PHACTR3: variants seen among roughly 807,000 people sequenced by gnomAD.
PHACTR3 encodes the protein protein phosphatase 1, regulatory subunit 123.
PHACTR3 carries 16 observed loss-of-function variants against 66.8 expected under a neutral mutation model. That is an observed-to-expected ratio of 0.24 (90% CI 0.16 to 0.36). The LOEUF (loss-of-function observed/expected upper bound fraction) is 0.36. Ranked by LOEUF, PHACTR3 falls within the 10% of genes least tolerant of loss-of-function variation. The pLI, the probability that PHACTR3 is intolerant of heterozygous loss-of-function variation, is 1.00. For missense variants in PHACTR3, 647 were observed against 719.9 expected, an observed-to-expected ratio of 0.90 and a Z score of 1.16; for synonymous variants, 323 against 292.1, an observed-to-expected ratio of 1.11 and a Z score of -1.08.
intron 1 of PHACTR3, among the ~76,000 whole-genome samples, chr20:59,741,139 C>G (rs112293477): frequency 6.6e-6 from 1 of 152,254 alleles, no homozygotes; most frequent in South Asian, 2.1e-4. Flanking sequence ...TTAGCCACAC[C>G]GTCCAGCCCT....
chr20:59,685,540 G>C (rs925388710), intron 1 of PHACTR3, among the ~76,000 whole-genome samples: 5 of 152,198 alleles, frequency 3.3e-5, no homozygotes, highest in African/African-American at 1.2e-4. Flanking sequence ...GCACAAGGCT[G>C]GTGAATGCTC....
At position 59,665,672 on chromosome 20, in the gene PHACTR3, A is replaced by G. The variant is rs574503931; in HGVS notation, c.118+60540A>G. Among the ~76,000 whole-genome samples, 356 of 152,118 alleles carry G rather than the reference A, an allele frequency of 2.3e-3. 1 individual carries two copies. Among genetic ancestry groups the G allele is most frequent in the Non-Finnish European group, 3.6e-3 (242 of 67,994 alleles). The stretch of plus-strand genomic sequence containing the variant: ...TGGGGGTCTGGGTTGAATTGGATGG[A>G]AACAACACTTGGAGAAGCCTGCAGA... On this transcript the variant is annotated intron_variant, in intron 1 of 12. Transcript: ENST00000371015.
chr20:59,578,806 C>T (rs958991647), intron 1 of PHACTR3, among the ~76,000 whole-genome samples: 2 of 152,214 alleles, frequency 1.3e-5, no homozygotes, highest in Admixed American at 1.3e-4. Flanking sequence ...AGCCCGCTAT[C>T]TGCCAGGCCT....
chr20:59,696,910 G>T (rs913690581), intron 1 of PHACTR3, among the ~76,000 whole-genome samples: 4 of 152,212 alleles, frequency 2.6e-5, no homozygotes, highest in African/African-American at 9.7e-5. Flanking sequence ...CTATTGTGGA[G>T]GCTGTGCCTT....
chr20:59,790,302 T>G (rs1009812515), intron 7 of PHACTR3, among the ~76,000 whole-genome samples: 1 of 152,176 alleles, frequency 6.6e-6, no homozygotes, highest in African/African-American at 2.4e-5. Context: ...TTTTCTTCTC[T>G]AGAGAGTATC....
chr20:59,679,831 G>C (rs112754747), intron 1 of PHACTR3, among the ~76,000 whole-genome samples: 3 of 152,112 alleles, frequency 2.0e-5, no homozygotes, highest in Non-Finnish European at 4.4e-5. Flanking sequence ...AGAACAGTAT[G>C]GGGGAGACTG....
chr20:59,728,017 G>A (rs2038626677), intron 1 of PHACTR3, among the ~76,000 whole-genome samples: 1 of 152,200 alleles, frequency 6.6e-6, no homozygotes, highest in Admixed American at 6.5e-5. Context: ...TGTTGTTACT[G>A]TTGTTGAGGT....
rs2042009497 is a variant in PHACTR3, at chr20:59,820,727, G to T, written c.1328+14533G>T. Among the ~76,000 whole-genome samples the T allele has an allele frequency of 6.6e-6, 1 of 152,196 alleles. No individual in the cohort carries two copies. Among genetic ancestry groups the T allele is most frequent in the Non-Finnish European group, 1.5e-5 (1 of 68,028 alleles). ...TGCTGTTTGTTTTCCTTGGTTGCTT[G>T]GGAATCTGTAGAGGATGGTACAGCA... On this transcript the variant is annotated intron_variant, in intron 8 of 12. Transcript: ENST00000371015. This position sits in a 1 kb window ranked among gnomAD's most constrained non-coding sequence, Gnocchi z 4.6.
chr20:59,719,180 T>G (rs2038200610), intron 1 of PHACTR3, among the ~76,000 whole-genome samples: 1 of 152,220 alleles, frequency 6.6e-6, no homozygotes, highest in Non-Finnish European at 1.5e-5. Context: ...TTTTCTTTTT[T>G]TTTGAAACAG....
chr20:59,601,266 G>C (rs1375090759), upstream of PHACTR3, among the ~76,000 whole-genome samples: 2 of 152,198 alleles, frequency 1.3e-5, no homozygotes, highest in Non-Finnish European at 2.9e-5. Flanking sequence ...ATGTTTTCCA[G>C]GTTCATCTGC....
Position 59,780,881 on chromosome 20 carries a change from G to T in PHACTR3, c.1174+6391G>T, listed in dbSNP as rs115179440. Reference sequence around the variant, plus strand: ...AAAGTTCTTATGAAGGTCAACAGGGGTGCTCACCGAAGTATAGCTTTGTCT... The same window carrying T: ...AAAGTTCTTATGAAGGTCAACAGGGTTGCTCACCGAAGTATAGCTTTGTCT... On this transcript the variant is annotated intron_variant, in intron 7 of 12. Coordinates refer to ENST00000371015, the MANE Select transcript of PHACTR3 (RefSeq NM_080672.5). Among the ~76,000 whole-genome samples the T allele has an allele frequency of 9.9e-3, 1,514 of 152,304 alleles. 23 individuals carry two copies. Among genetic ancestry groups the T allele is most frequent in the African/African-American group, 0.035 (1,457 of 41,548 alleles).
chr20:59,662,772 G>A (rs2035856946), intron 1 of PHACTR3, among the ~76,000 whole-genome samples: 1 of 152,144 alleles, frequency 6.6e-6, no homozygotes, highest in Non-Finnish European at 1.5e-5. Flanking sequence ...GCCAGTCCTG[G>A]GCTGGAAATG....
intron 1 of PHACTR3, among the ~76,000 whole-genome samples, chr20:59,733,633 T>C (rs533508878): frequency 4.6e-5 from 7 of 152,048 alleles, no homozygotes; most frequent in Non-Finnish European, 8.8e-5. Context: ...GGCTGTGGGG[T>C]TAAGATCAGG....
intron 1 of PHACTR3, chr20:59,676,622 T>G: frequency 7.1e-5 from 62 of 874,438 alleles, no homozygotes; most frequent in South Asian, 1.1e-4. Context: ...CAGGAGCAAG[T>G]GAGAGTGCCA....
At chr20:59,608,712 C>G (rs971782532) in intron 1 of PHACTR3, among the ~76,000 whole-genome samples, 6 of 152,244 alleles carry the variant, frequency 3.9e-5, no homozygotes, top group African/African-American at 1.4e-4. Flanking sequence ...CCATGCCTCT[C>G]CAGCTCCTTT....
intron 1 of PHACTR3, among the ~76,000 whole-genome samples, chr20:59,593,274 C>T (rs373344590): frequency 2.2e-4 from 34 of 152,350 alleles, no homozygotes; most frequent in African/African-American, 7.9e-4. Flanking sequence ...AGCATCTTCT[C>T]ATGTACTACT....
chr20:59,679,582 C>T (rs932231370), intron 1 of PHACTR3, among the ~76,000 whole-genome samples: 1 of 152,100 alleles, frequency 6.6e-6, no homozygotes, highest in African/African-American at 2.4e-5. Context: ...GTGGCATGGG[C>T]ATCGGTACTG....
intron 1 of PHACTR3, among the ~76,000 whole-genome samples, chr20:59,656,980 A>G (rs1423498311): frequency 3.9e-5 from 6 of 151,962 alleles, no homozygotes; most frequent in Non-Finnish European, 7.4e-5. Context: ...TATGCTACAA[A>G]CTTTACAATA....
intron 1 of PHACTR3, among the ~76,000 whole-genome samples, chr20:59,593,156 G>A (rs759429139): frequency 1.3e-5 from 2 of 152,176 alleles, no homozygotes; most frequent in Non-Finnish European, 2.9e-5. Context: ...CCACATTCTC[G>A]TCAGCATTTG....
Sources: allele counts gnomAD v4.1 joint callset (sites outside exome capture counted in the v4.1 genomes callset), GRCh38; gene constraint gnomAD v4.1.1; non-coding constraint Gnocchi (gnomAD v3.1); transcripts MANE v1.5; gene names NCBI Gene and HGNC (gene_info 2026-07-23, HGNC 2026-07-21).